CNTNAP2: variants seen among roughly 807,000 people sequenced by gnomAD.
The protein encoded by CNTNAP2 is contactin associated protein 2.
A neutral mutation model predicts 155.2 loss-of-function variants in CNTNAP2; 98 were observed. That is an observed-to-expected ratio of 0.63 (90% confidence interval 0.54 to 0.75). CNTNAP2 has a LOEUF of 0.75. CNTNAP2 is among the 30% of genes least tolerant of loss of function. CNTNAP2 has a pLI of 0.00. For missense variants in CNTNAP2, 1,727 were observed against 1,688.1 expected (o/e 1.02, Z -0.40); for synonymous variants, 651 against 631.2 (o/e 1.03, Z -0.47).
At chr7:146,180,650 C>T (rs1427955414) in intron 1 of CNTNAP2, among the ~76,000 whole-genome samples, 1 of 152,178 alleles carries the variant, frequency 6.6e-6, no homozygotes, top group Non-Finnish European at 1.5e-5. Context: ...ATACTAGGCA[C>T]TGTTGTAGGA....
At chr7:147,791,818 T>C (rs1014953831) in intron 13 of CNTNAP2, among the ~76,000 whole-genome samples, 5 of 152,160 alleles carry the variant, frequency 3.3e-5, no homozygotes, top group Non-Finnish European at 5.9e-5. Flanking sequence ...ACATGCGCCA[T>C]ACACATGTTC....
intron 8 of CNTNAP2, among the ~76,000 whole-genome samples, chr7:147,251,464 T>C (rs1197045787): frequency 2.0e-5 from 3 of 152,106 alleles, no homozygotes; most frequent in Non-Finnish European, 4.4e-5. Flanking sequence ...GTAGGTAGGT[T>C]ATGTGTGGTT....
intron 3 of CNTNAP2, among the ~76,000 whole-genome samples, chr7:146,901,672 T>C (rs13223304): frequency 0.029 from 4,379 of 152,220 alleles, 84 homozygotes; most frequent in Non-Finnish European, 0.041. Context: ...GAAATATCAG[T>C]ACTTACTTGG....
At chr7:147,896,531 G>A (rs1383815721) in intron 13 of CNTNAP2, among the ~76,000 whole-genome samples, 1 of 152,136 alleles carries the variant, frequency 6.6e-6, no homozygotes, top group East Asian at 1.9e-4. Flanking sequence ...GGAAGCCAGT[G>A]AGCCAGGAGT....
chr7:146,249,806 G>A (rs1432914043), intron 1 of CNTNAP2, among the ~76,000 whole-genome samples: 1 of 151,362 alleles, frequency 6.6e-6, no homozygotes, highest in Non-Finnish European at 1.5e-5. Flanking sequence ...TTATTTCCTT[G>A]GCCGTTCATT....
chr7:146,568,117 GGATA>G (rs1306726134), intron 1 of CNTNAP2, among the ~76,000 whole-genome samples: 1 of 152,096 alleles, frequency 6.6e-6, no homozygotes, highest in Non-Finnish European at 1.5e-5. Flanking sequence ...AGAGGTGATT[GGATA>G]GATCCACCCA....
intron 21 of CNTNAP2, among the ~76,000 whole-genome samples, chr7:148,380,990 G>A (rs540471467): frequency 1.3e-5 from 2 of 152,352 alleles, no homozygotes; most frequent in South Asian, 4.1e-4. Context: ...AGCCACTTAG[G>A]TACTGCCAGG....
intron 1 of CNTNAP2, among the ~76,000 whole-genome samples, chr7:146,190,958 G>A (rs1022282306): frequency 3.3e-5 from 5 of 152,208 alleles, no homozygotes; most frequent in Admixed American, 2.6e-4. Context: ...TTACAACACA[G>A]CAAAATTTGA....
intron 2 of CNTNAP2, among the ~76,000 whole-genome samples, chr7:146,812,411 A>G (rs1288766895): frequency 6.7e-6 from 1 of 148,738 alleles, no homozygotes; most frequent in Non-Finnish European, 1.5e-5. Context: ...TATCTGGCAG[A>G]AGAAATTTCT....
chr7:147,121,252 A>G (rs770702452), intron 6 of CNTNAP2, 89 bp downstream of exon 6: 12 of 1,255,154 alleles, frequency 9.6e-6, no homozygotes, highest in Non-Finnish European at 1.3e-5. Flanking sequence ...TTATATTACT[A>G]CTTACACCTT....
intron 1 of CNTNAP2, among the ~76,000 whole-genome samples, chr7:146,734,812 A>G (rs899942237): frequency 2.8e-4 from 43 of 152,232 alleles, no homozygotes; most frequent in African/African-American, 8.7e-4. Flanking sequence ...CCTCTCCTCA[A>G]GGAATCTCGA....
chr7:147,807,883 TATCAGGCTTTCATTG>T (rs1446908754), intron 13 of CNTNAP2, among the ~76,000 whole-genome samples: 1 of 152,156 alleles, frequency 6.6e-6, no homozygotes, highest in African/African-American at 2.4e-5. Context: ...GCCAGATATT[TATCAGGCTTTCATTG>T]ATGCCCCCTT....
At chr7:146,577,859 T>A (rs986460979) in intron 1 of CNTNAP2, among the ~76,000 whole-genome samples, 5 of 152,062 alleles carry the variant, frequency 3.3e-5, no homozygotes, top group Admixed American at 2.6e-4. Context: ...AAGTGAAGAG[T>A]TTGAAAAGTC....
chr7:146,421,357 C>T (rs1478023435), intron 1 of CNTNAP2, among the ~76,000 whole-genome samples: 1 of 151,900 alleles, frequency 6.6e-6, no homozygotes, highest in Non-Finnish European at 1.5e-5. Flanking sequence ...AAAACATAAA[C>T]AAATGTCCCT....
chr7:147,010,537 A>G (rs1343512892), intron 3 of CNTNAP2, among the ~76,000 whole-genome samples: 1 of 152,180 alleles, frequency 6.6e-6, no homozygotes. Context: ...GCAGAAGTAC[A>G]TAGCAGTGAG....
intron 1 of CNTNAP2, among the ~76,000 whole-genome samples, chr7:146,584,321 G>A (rs936207498): frequency 2.0e-5 from 3 of 152,190 alleles, no homozygotes; most frequent in South Asian, 2.1e-4. Flanking sequence ...TCATTGCACC[G>A]AAAGAATTCA....
intron 14 of CNTNAP2, among the ~76,000 whole-genome samples, chr7:147,975,319 G>A (rs1214077179): frequency 1.3e-5 from 2 of 152,008 alleles, no homozygotes; most frequent in African/African-American, 4.8e-5. Context: ...ATTGGGAAGG[G>A]CATGGGGGGT....
At chr7:146,541,149 G>A (rs1797947519) in intron 1 of CNTNAP2, among the ~76,000 whole-genome samples, 1 of 151,980 alleles carries the variant, frequency 6.6e-6, no homozygotes, top group Non-Finnish European at 1.5e-5. Flanking sequence ...GTACTTCAGA[G>A]CTAAGGAATG....
chr7:147,035,538 T>A (rs181600576), intron 3 of CNTNAP2, among the ~76,000 whole-genome samples: 1 of 152,298 alleles, frequency 6.6e-6, no homozygotes, highest in East Asian at 1.9e-4. Context: ...TGCCACAGAG[T>A]CATTTTATGT....
Sources: gnomAD v4.1 joint callset for allele counts (sites outside exome capture counted in the v4.1 genomes callset) on GRCh38, gnomAD v4.1.1 for gene constraint, MANE v1.5 for transcripts, NCBI Gene and HGNC (gene_info 2026-07-23, HGNC 2026-07-21) for gene names.